The following PAXBP1 variants were observed in gnomAD, a reference collection of about 807,000 sequenced individuals.
The protein encoded by PAXBP1 is PAX3- and PAX7-binding protein 1.
PAXBP1 carries 44 observed loss-of-function variants against 119.9 expected under a neutral mutation model. That is an observed-to-expected ratio of 0.37 (90% confidence interval 0.29 to 0.47). The LOEUF is 0.47. PAXBP1 is among the 20% of genes least tolerant of loss of function. The pLI, the probability that PAXBP1 is intolerant of heterozygous loss-of-function variation, is 0.99. For missense variants in PAXBP1, 898 were observed against 1,134.1 expected, an observed-to-expected ratio of 0.79 and a Z score of 2.99; for synonymous variants, 393 against 406.6, an observed-to-expected ratio of 0.97 and a Z score of 0.40.
At chr21:32,748,352 T>G in intron 11 of PAXBP1, 147 bp downstream of exon 11, 1 of 630,098 alleles carries the variant, frequency 1.6e-6, no homozygotes, top group Middle Eastern at 4.2e-4. Context: ...GATCATAAGA[T>G]TATAACCAGA....
At chr21:32,762,641 G>A (rs557694419) in intron 3 of PAXBP1, among the ~76,000 whole-genome samples, 12 of 151,416 alleles carry the variant, frequency 7.9e-5, no homozygotes, top group Admixed American at 2.0e-4. Context: ...AGAAGTGGCC[G>A]GGCACAGTGG....
intron 4 of PAXBP1, 149 bp downstream of exon 4, chr21:32,761,947 G>A (rs1601605954): frequency 1.3e-6 from 1 of 747,634 alleles, no homozygotes; most frequent in Non-Finnish European, 2.2e-6. Context: ...CTGAGACAAG[G>A]GTGACTGTTT....
At chr21:32,750,369 A>C (rs2146488461) in intron 10 of PAXBP1, among the ~76,000 whole-genome samples, 2 of 152,350 alleles carry the variant, frequency 1.3e-5, no homozygotes, top group South Asian at 4.1e-4. Flanking sequence ...GTTCACTGTA[A>C]AAAAAGTAAG....
chr21:32,758,400 G>GA (rs1303144647), intron 7 of PAXBP1, among the ~76,000 whole-genome samples: 4 of 148,374 alleles, frequency 2.7e-5, no homozygotes, highest in Non-Finnish European at 4.5e-5. Context: ...TTATCTTAAA[G>GA]AAAAAAAATC....
chr21:32,762,435 G>C, intron 3 of PAXBP1, 118 bp from the exon 4 acceptor site: 1 of 1,343,240 alleles, frequency 7.4e-7, no homozygotes, highest in Admixed American at 2.7e-5. Flanking sequence ...TCAGCTGCTG[G>C]CACCTCCTTC....
In PAXBP1 at chr21:32,761,310, G is replaced by C; in HGVS notation, c.872-148C>G. The C allele has an allele frequency of 4.4e-6, 3 of 676,440 alleles. No homozygotes were observed. In the South Asian group the frequency reaches 5.5e-5, roughly 12 times the overall value. The allele number at this position is 676,440 out of a possible 1,614,324, so 41.9% of individuals were successfully genotyped here. ...ATATGATCTCCTCTCTCATTTGGTA[G>C]TCCTGACTTTGCCTGTTTTAAACAC... On this transcript the variant is annotated intron_variant, in intron 4 of 17. Coordinates refer to ENST00000331923, the MANE Select transcript of PAXBP1 (RefSeq NM_016631.4).
chr21:32,743,774 TCACACATTTTA>T lies in PAXBP1; in HGVS notation c.2191-31_2191-21del. 7.5e-7 allele frequency: 1 copy of T among 1,340,324 alleles called. No individual in the cohort carries two copies. Among genetic ancestry groups the T allele is most frequent in the Non-Finnish European group, 1.1e-6 (1 of 947,352 alleles). The allele number at this position is 1,340,324 out of a possible 1,614,324, so 83.0% of individuals were successfully genotyped here. On this transcript the variant is annotated intron_variant, in intron 13 of 17. Coordinates refer to ENST00000331923, the MANE Select transcript of PAXBP1 (RefSeq NM_016631.4). Reference sequence around the variant, plus strand: ...GTATACCTAAAAAGTTAAAAGTAGATCACACATTTTAATAAGGACTATGACAAGAAAAATAA... The same window carrying T: ...GTATACCTAAAAAGTTAAAAGTAGATATAAGGACTATGACAAGAAAAATAA...
At chr21:32,757,650 A>G (rs1022983469) in intron 7 of PAXBP1, among the ~76,000 whole-genome samples, 1 of 152,218 alleles carries the variant, frequency 6.6e-6, no homozygotes, top group African/African-American at 2.4e-5. Flanking sequence ...GTTTGCAATT[A>G]TGAATGTCTT....
intron 15 of PAXBP1, chr21:32,741,568 A>G: frequency 1.3e-6 from 1 of 774,054 alleles, no homozygotes; most frequent in Non-Finnish European, 2.4e-6. Context: ...TCTGAGCAGC[A>G]TTCTTTCCTT....
Position 32,759,991 on chromosome 21 carries a change from G to C in PAXBP1, c.979C>G (p.Gln327Glu). ...IRKGINIPQV[Q>E]ASQPAEVNMY... ...TTCACTTCTGCGGGTTGACTGGCTT[G>C]AACCTAGAAAAGAAATGGGATATAG... The change falls in exon 6 of 18, where the codon CAA becomes GAA. Residue 327 changes from glutamine (Q) to glutamate (E), a missense_variant. By Grantham distance (29) the Gln-to-Glu change is conservative. Coordinates refer to ENST00000331923, the MANE Select transcript of PAXBP1 (RefSeq NM_016631.4). The C allele has an allele frequency of 6.2e-7, 1 of 1,610,412 alleles. No homozygotes were observed. The highest frequency in any genetic ancestry group is 1.1e-5 in the South Asian group (1 of 90,622).
chr21:32,738,859 T>C (rs935383035), intron 15 of PAXBP1, among the ~76,000 whole-genome samples: 4 of 152,184 alleles, frequency 2.6e-5, no homozygotes, highest in South Asian at 2.1e-4. Context: ...TAAAAACTTA[T>C]AGTTTCCCAG....
chr21:32,767,618 C>T (rs2044263175), intron 2 of PAXBP1, among the ~76,000 whole-genome samples: 1 of 152,186 alleles, frequency 6.6e-6, no homozygotes, highest in South Asian at 2.1e-4. Context: ...GTGCCATTCT[C>T]ATGACAGTGA....
chr21:32,765,905 C>T (rs766298406), intron 2 of PAXBP1, among the ~76,000 whole-genome samples: 11 of 152,250 alleles, frequency 7.2e-5, no homozygotes, highest in East Asian at 1.9e-4. Context: ...GAGGCCAAGG[C>T]GGGTGGATCA....
intron 4 of PAXBP1, among the ~76,000 whole-genome samples, chr21:32,761,465 G>T (rs538649983): frequency 1.0e-3 from 157 of 152,278 alleles, no homozygotes; most frequent in African/African-American, 3.7e-3. Context: ...AGAACTATAT[G>T]AATTTACGCA....
chr21:32,758,644 T>TAAAAAAAAAAAAAAAA (rs138934420), intron 7 of PAXBP1, among the ~76,000 whole-genome samples: 1 of 104,108 alleles, frequency 9.6e-6, no homozygotes, highest in Non-Finnish European at 2.0e-5. Context: ...TCATCCAGGG[T>TAAAAAAAAAAAAAAAA]AAAAAAAAAA....
At position 32,734,830 on chromosome 21, in the gene PAXBP1, A is replaced by G. The variant is rs2146460312; in HGVS notation, c.*120T>C. The G allele has an allele frequency of 1.3e-6, 1 of 745,474 alleles. No homozygotes were observed. Among genetic ancestry groups the G allele is most frequent in the Non-Finnish European group, 2.4e-6 (1 of 419,350 alleles). The allele number at this position is 745,474 out of a possible 1,614,324, so 46.2% of individuals were successfully genotyped here. On this transcript the variant is annotated 3_prime_UTR_variant, in exon 18 of 18. Transcript: ENST00000331923. ...ATCATTTAAGGACACAGTATTGAAT[A>G]TAATGTTTTTTGTATTAAAACAAGA... is the stretch of plus-strand genomic sequence containing the variant.
intron 2 of PAXBP1, among the ~76,000 whole-genome samples, chr21:32,766,822 A>G (rs1190472507): frequency 6.6e-6 from 1 of 152,240 alleles, no homozygotes; most frequent in Non-Finnish European, 1.5e-5. Flanking sequence ...TCCTGTCAGA[A>G]GCCCTCAAGA....
intron 2 of PAXBP1, among the ~76,000 whole-genome samples, chr21:32,767,633 G>A (rs970049474): frequency 1.3e-5 from 2 of 152,152 alleles, no homozygotes; most frequent in East Asian, 3.9e-4. Flanking sequence ...CAGTGAATAA[G>A]TCTCACGAGA....
At chr21:32,745,843 G>T in intron 11 of PAXBP1, 125 bp from the exon 12 acceptor site, 1 of 1,116,446 alleles carries the variant, frequency 9.0e-7, no homozygotes. Flanking sequence ...TGGACGGCTG[G>T]AGATATCATG....
Sources: gnomAD v4.1 joint callset for allele counts (sites outside exome capture counted in the v4.1 genomes callset) on GRCh38, gnomAD v4.1.1 for gene constraint, MANE v1.5 for transcripts, NCBI Gene and HGNC (gene_info 2026-07-23, HGNC 2026-07-21) for gene names.